EVI5: variants seen among roughly 807,000 people sequenced by gnomAD.
EVI5 encodes the protein ecotropic viral integration site 5 protein homolog.
A neutral mutation model predicts 112.0 loss-of-function variants in EVI5; 73 were observed. The observed-to-expected ratio is 0.65, with a 90% CI of 0.54 to 0.79. The LOEUF (loss-of-function observed/expected upper bound fraction) is 0.79, where lower values mean the gene tolerates loss of function less well. Ranked by LOEUF, EVI5 falls within the 30% of genes least tolerant of loss-of-function variation. The pLI, the probability that EVI5 is intolerant of heterozygous loss-of-function variation, is 0.00. For synonymous variants in EVI5, 305 were observed against 319.9 expected, an observed-to-expected ratio of 0.95 and a Z score of 0.50; for missense variants, 900 against 968.8, an observed-to-expected ratio of 0.93 and a Z score of 0.94.
At chr1:92,745,532 G>A (rs1679130622) in intron 1 of EVI5, among the ~76,000 whole-genome samples, 1 of 152,124 alleles carries the variant, frequency 6.6e-6, no homozygotes, top group South Asian at 2.1e-4. Flanking sequence ...AAGAAAAACA[G>A]GCCACATATG....
rs1409126676 is a variant in EVI5, at chr1:92,662,885, G to T, written c.1246-20C>A. ...TTGTCCCTTAGGACATAATTTTTGTGTGTGTAAAGCAATTTAGGATAGATT... is the reference window on the plus strand; with the variant it reads ...TTGTCCCTTAGGACATAATTTTTGTTTGTGTAAAGCAATTTAGGATAGATT... On this transcript the variant is annotated intron_variant, in intron 12 of 19. Transcript: ENST00000684568. 6 of 1,263,898 alleles carry T rather than the reference G, an allele frequency of 4.7e-6. No homozygotes were observed. Among genetic ancestry groups the T allele is most frequent in the Admixed American group, 2.6e-5 (1 of 38,796 alleles). 78.3% of individuals were successfully genotyped at this position (1,263,898 alleles called of 1,614,324 possible).
chr1:92,614,711 T>C (rs958422566), intron 16 of EVI5, among the ~76,000 whole-genome samples: 3 of 151,722 alleles, frequency 2.0e-5, no homozygotes, highest in African/African-American at 7.3e-5. Flanking sequence ...TTGCTCCTCA[T>C]CTTGCAGACG....
chr1:92,514,365 A>G (rs2101634811), intron 19 of EVI5, among the ~76,000 whole-genome samples: 1 of 152,262 alleles, frequency 6.6e-6, no homozygotes, highest in African/African-American at 2.4e-5. Context: ...CATGTTGCCC[A>G]GGCTGGTCTC....
At chr1:92,659,119 T>C (rs1663531980) in intron 13 of EVI5, among the ~76,000 whole-genome samples, 1 of 152,080 alleles carries the variant, frequency 6.6e-6, no homozygotes, top group Non-Finnish European at 1.5e-5. Flanking sequence ...ATTAAAGACT[T>C]AAACTTAAGA....
At chr1:92,558,887 A>C (rs1054588269) in intron 19 of EVI5, among the ~76,000 whole-genome samples, 9 of 151,748 alleles carry the variant, frequency 5.9e-5, no homozygotes, top group Non-Finnish European at 1.0e-4. Flanking sequence ...AACCCAAACA[A>C]CACCAACCAA....
chr1:92,736,729 T>C (rs1677514183), intron 1 of EVI5, 102 bp from the exon 2 acceptor site: 1 of 823,296 alleles, frequency 1.2e-6, no homozygotes, highest in Non-Finnish European at 2.0e-6. Flanking sequence ...ATCATCAGAA[T>C]ATTCTCTTTG....
At chr1:92,593,374 T>G (rs948352490) in intron 18 of EVI5, among the ~76,000 whole-genome samples, 3 of 152,184 alleles carry the variant, frequency 2.0e-5, no homozygotes, top group African/African-American at 4.8e-5. Context: ...CAACAACCCT[T>G]CATGCTAAAA....
intron 2 of EVI5, among the ~76,000 whole-genome samples, chr1:92,711,952 C>T (rs932413909): frequency 7.2e-5 from 11 of 152,146 alleles, no homozygotes; most frequent in African/African-American, 1.4e-4. Context: ...CCATTCCTCA[C>T]AGATGGAGGC....
intron 1 of EVI5, among the ~76,000 whole-genome samples, chr1:92,782,505 C>A (rs1431828098): frequency 6.6e-6 from 1 of 152,072 alleles, no homozygotes; most frequent in African/African-American, 2.4e-5. Flanking sequence ...AAATGGTCAA[C>A]AAAAGATACT....
chr1:92,780,387 G>A (rs1305426257), intron 1 of EVI5, among the ~76,000 whole-genome samples: 8 of 152,210 alleles, frequency 5.3e-5, no homozygotes, highest in African/African-American at 1.9e-4. Flanking sequence ...GCTCAAGGCT[G>A]AAAGCCAAGG....
At chr1:92,707,388 A>T (rs1439452370) in intron 2 of EVI5, among the ~76,000 whole-genome samples, 1 of 152,080 alleles carries the variant, frequency 6.6e-6, no homozygotes, top group Non-Finnish European at 1.5e-5. Flanking sequence ...AAGAAGAAAA[A>T]AAAAAGTCTA....
chr1:92,686,283 C>T (rs1668521671), intron 9 of EVI5, among the ~76,000 whole-genome samples: 1 of 152,142 alleles, frequency 6.6e-6, no homozygotes, highest in African/African-American at 2.4e-5. Context: ...GTAAACAGAA[C>T]CAACGACAAA....
At chr1:92,684,126 G>A (rs1004801448) in intron 9 of EVI5, among the ~76,000 whole-genome samples, 2 of 152,042 alleles carry the variant, frequency 1.3e-5, no homozygotes, top group Admixed American at 6.6e-5. Context: ...TGAAATGAAG[G>A]AAAAAATGTT....
chr1:92,634,535 C>T (rs1428244654), intron 14 of EVI5, among the ~76,000 whole-genome samples: 1 of 152,118 alleles, frequency 6.6e-6, no homozygotes, highest in Admixed American at 6.5e-5. Flanking sequence ...TCCATCAGGT[C>T]CTTTAAGGAC....
intron 2 of EVI5, chr1:92,714,136 T>C (rs1041045710): frequency 4.1e-6 from 4 of 983,234 alleles, no homozygotes; most frequent in South Asian, 4.7e-5. Flanking sequence ...AAATAGATCT[T>C]TGACATTACA....
intron 1 of EVI5, among the ~76,000 whole-genome samples, chr1:92,790,669 C>A (rs1686027771): frequency 6.6e-6 from 1 of 151,526 alleles, no homozygotes; most frequent in East Asian, 1.9e-4. Context: ...ATAGCTTTAA[C>A]TTAGCAGGGC....
At chr1:92,561,550 ACTGACTATCTATCTAT>A (rs1394087687) in intron 19 of EVI5, among the ~76,000 whole-genome samples, 766 of 35,946 alleles carry the variant, frequency 0.021, 8 homozygotes, top group African/African-American at 0.067. Context: ...TCCTGATGAG[ACTGACTATCTATCTAT>A]CTATCTATCT....
chr1:92,655,578 T>C (rs961454423), intron 13 of EVI5, among the ~76,000 whole-genome samples: 1 of 152,108 alleles, frequency 6.6e-6, no homozygotes, highest in Non-Finnish European at 1.5e-5. Flanking sequence ...TCCAGTAATA[T>C]GCTGCTTACA....
At chr1:92,776,838 C>T (rs1204154459) in intron 1 of EVI5, among the ~76,000 whole-genome samples, 2 of 148,578 alleles carry the variant, frequency 1.3e-5, no homozygotes, top group South Asian at 2.1e-4. Flanking sequence ...GAGTCTCGCT[C>T]GTCGCCCAGG....
Sources: allele counts gnomAD v4.1 joint callset (sites outside exome capture counted in the v4.1 genomes callset), GRCh38; gene constraint gnomAD v4.1.1; transcripts MANE v1.5; gene names NCBI Gene and HGNC (gene_info 2026-07-23, HGNC 2026-07-21).